The following CCSER1 variants were observed in gnomAD, a reference collection of about 807,000 sequenced individuals.
The protein encoded by CCSER1 is coiled-coil serine rich protein 1, also known as serine-rich coiled-coil domain-containing protein 1.
A neutral mutation model predicts 82.0 loss-of-function variants in CCSER1; 41 were observed. The ratio of observed to expected loss-of-function variants is 0.50; its 90% CI spans 0.39 to 0.65. CCSER1 has a LOEUF of 0.65. CCSER1 is among the 30% of genes least tolerant of loss of function. The pLI is 0.00. For synonymous variants in CCSER1, 414 were observed against 383.9 expected (o/e 1.08, Z -0.92); for missense variants, 1,119 against 1,064.2 (o/e 1.05, Z -0.72).
chr4:91,481,037 C>T (rs555183980), intron 10 of CCSER1, among the ~76,000 whole-genome samples: 29 of 142,550 alleles, frequency 2.0e-4, no homozygotes, highest in Admixed American at 5.0e-4. Context: ...TACCATTTCC[C>T]TCCCCTCCCC....
intron 10 of CCSER1, among the ~76,000 whole-genome samples, chr4:91,368,482 T>C (rs1749797839): frequency 6.6e-6 from 1 of 152,202 alleles, no homozygotes; most frequent in African/African-American, 2.4e-5. Flanking sequence ...CTTGGCAGAA[T>C]TATGCATTTT....
chr4:91,248,401 C>A (rs546923014), intron 10 of CCSER1, among the ~76,000 whole-genome samples: 1 of 152,184 alleles, frequency 6.6e-6, no homozygotes, highest in Non-Finnish European at 1.5e-5. Flanking sequence ...AAAAACACTA[C>A]CTCAGTCAGG....
chr4:91,180,502 A>G (rs1438772048), intron 10 of CCSER1, among the ~76,000 whole-genome samples: 1 of 152,232 alleles, frequency 6.6e-6, no homozygotes, highest in African/African-American at 2.4e-5. Context: ...CTCAAGCCTC[A>G]GCAATGGCGG....
chr4:90,698,440 C>A (rs1579993151), intron 6 of CCSER1, among the ~76,000 whole-genome samples: 1 of 152,146 alleles, frequency 6.6e-6, no homozygotes, highest in South Asian at 2.1e-4. Context: ...TATGATGTTT[C>A]AAATCCAATC....
intron 10 of CCSER1, among the ~76,000 whole-genome samples, chr4:91,450,955 A>T (rs981218229): frequency 6.6e-6 from 1 of 152,046 alleles, no homozygotes; most frequent in African/African-American, 2.4e-5. Flanking sequence ...TCTGTTAGGG[A>T]TACTATAAGA....
chr4:90,435,944 T>A lies in CCSER1; in HGVS notation c.1604-32290T>A, dbSNP rs370637840. On this transcript the variant is annotated intron_variant, in intron 4 of 10. Transcript: ENST00000509176. ...ATAAACCAATCAAACACAAGGGCTATTTTAATTTTTACCTTGCTTAATTTT... is the reference window on the plus strand; with the variant it reads ...ATAAACCAATCAAACACAAGGGCTAATTTAATTTTTACCTTGCTTAATTTT... Among the ~76,000 whole-genome samples the A allele has an allele frequency of 1.8e-4, 27 of 152,274 alleles. No individual in the cohort carries two copies. In the East Asian group the frequency reaches 5.0e-3, roughly 28 times the overall value.
chr4:90,380,557 C>T (rs187057725), intron 3 of CCSER1, among the ~76,000 whole-genome samples: 45 of 152,234 alleles, frequency 3.0e-4, no homozygotes, highest in Non-Finnish European at 4.0e-4. Context: ...CCTCAGAATA[C>T]ATTTAAATTG....
At chr4:91,434,410 C>T (rs555330637) in intron 10 of CCSER1, among the ~76,000 whole-genome samples, 9 of 152,096 alleles carry the variant, frequency 5.9e-5, no homozygotes, top group African/African-American at 2.2e-4. Context: ...CCATAAAATA[C>T]TTTGTTGTTT....
chr4:90,308,052 A>G (rs1056200030), intron 1 of CCSER1, among the ~76,000 whole-genome samples, 192 bp from the exon 2 acceptor site: 9 of 152,204 alleles, frequency 5.9e-5, no homozygotes, highest in Non-Finnish European at 1.2e-4. Flanking sequence ...CAAAATATCA[A>G]TACTAGCTAT....
chr4:91,217,539 A>T (rs62310745), intron 10 of CCSER1, among the ~76,000 whole-genome samples: 8,614 of 151,670 alleles, frequency 0.057, 449 homozygotes, highest in African/African-American at 0.14. Context: ...TGAGCTAGAT[A>T]CAGAGTGCCG....
intron 10 of CCSER1, among the ~76,000 whole-genome samples, chr4:91,505,714 C>T (rs960830276): frequency 6.6e-6 from 1 of 152,090 alleles, no homozygotes; most frequent in African/African-American, 2.4e-5. Context: ...AGCTTATTTT[C>T]ATGTTTGTTG....
chr4:91,187,608 G>A (rs918193168), intron 10 of CCSER1, among the ~76,000 whole-genome samples: 1 of 151,818 alleles, frequency 6.6e-6, no homozygotes, highest in African/African-American at 2.4e-5. Context: ...CTGGAGTGCA[G>A]TGATGCGATC....
intron 9 of CCSER1, among the ~76,000 whole-genome samples, chr4:90,970,975 CAAAT>C (rs982822511): frequency 6.6e-6 from 1 of 151,546 alleles, no homozygotes; most frequent in Non-Finnish European, 1.5e-5. Context: ...AAAAAGGCCT[CAAAT>C]AAACCACCTA....
At chr4:90,949,554 A>T (rs1203387713) in intron 9 of CCSER1, among the ~76,000 whole-genome samples, 2 of 152,116 alleles carry the variant, frequency 1.3e-5, no homozygotes, top group African/African-American at 4.8e-5. Context: ...CTGGAGTTAT[A>T]GGTTTTGTTT....
chr4:90,143,110 G>A (rs1183013537), intron 1 of CCSER1, among the ~76,000 whole-genome samples: 7 of 152,132 alleles, frequency 4.6e-5, no homozygotes, highest in Non-Finnish European at 7.4e-5. Flanking sequence ...TGGTATGATG[G>A]TGGTTGTAAT....
At chr4:90,185,072 A>C (rs943824954) in intron 1 of CCSER1, among the ~76,000 whole-genome samples, 1 of 152,036 alleles carries the variant, frequency 6.6e-6, no homozygotes, top group African/African-American at 2.4e-5. Context: ...CATCAGTGTC[A>C]CTCGCTGTTG....
At chr4:91,459,584 T>A (rs948049100) in intron 10 of CCSER1, among the ~76,000 whole-genome samples, 2 of 152,030 alleles carry the variant, frequency 1.3e-5, no homozygotes, top group African/African-American at 4.8e-5. Flanking sequence ...ATTTAGAGAT[T>A]TAGAGAAGCA....
At chr4:90,892,600 A>T (rs946671227) in intron 8 of CCSER1, among the ~76,000 whole-genome samples, 1 of 143,496 alleles carries the variant, frequency 7.0e-6, no homozygotes. Context: ...ATCCATCTTC[A>T]TTTATTTTAA....
At chr4:90,944,865 A>G (rs916491162) in intron 9 of CCSER1, among the ~76,000 whole-genome samples, 1 of 152,118 alleles carries the variant, frequency 6.6e-6, no homozygotes, top group Non-Finnish European at 1.5e-5. Flanking sequence ...CTTCTTCCCC[A>G]CCTGCTCTGT....
Sources: gnomAD v4.1 joint callset for allele counts (sites outside exome capture counted in the v4.1 genomes callset) on GRCh38, gnomAD v4.1.1 for gene constraint, MANE v1.5 for transcripts, NCBI Gene and HGNC (gene_info 2026-07-23, HGNC 2026-07-21) for gene names.